The following GMPS variants were observed in gnomAD, a reference collection of about 807,000 sequenced individuals.
The protein encoded by GMPS is GMP synthase [glutamine-hydrolyzing].
GMPS carries 15 observed loss-of-function variants against 77.9 expected under a neutral mutation model. That is an observed-to-expected ratio of 0.19 (90% confidence interval 0.13 to 0.30). The LOEUF (loss-of-function observed/expected upper bound fraction) is 0.30. Ranked by LOEUF, GMPS falls within the 10% of genes least tolerant of loss-of-function variation. The probability of loss-of-function intolerance (pLI) is 1.00; values close to 1 mark genes in which losing one functional copy is unlikely to be tolerated. For synonymous variants in GMPS, 224 were observed against 275.9 expected (o/e 0.81, Z 1.86); for missense variants, 590 against 838.8 (o/e 0.70, Z 3.66).
At chr3:155,886,513 G>A (rs544217192) in intron 1 of GMPS, among the ~76,000 whole-genome samples, 1 of 143,828 alleles carries the variant, frequency 7.0e-6, no homozygotes, top group East Asian at 2.2e-4. Flanking sequence ...AGGTTGCAGT[G>A]AGCTGAGATC....
intron 10 of GMPS, among the ~76,000 whole-genome samples, chr3:155,920,086 C>G (rs1471902135): frequency 6.6e-6 from 1 of 152,124 alleles, no homozygotes; most frequent in Non-Finnish European, 1.5e-5. Context: ...ATTTTATTGT[C>G]TTATTTAATC....
intron 2 of GMPS, among the ~76,000 whole-genome samples, chr3:155,897,091 G>A (rs1754622492): frequency 6.6e-6 from 1 of 152,122 alleles, no homozygotes; most frequent in African/African-American, 2.4e-5. Context: ...AGTTATGCAG[G>A]AGTGAAGGCC....
In GMPS at chr3:155,940,626, T is replaced by C. The variant is rs748466628; in HGVS notation, c.*2934T>C. The C allele has an allele frequency of 3.2e-5, 7 of 219,858 alleles. No individual in the cohort carries two copies. Among genetic ancestry groups the C allele is most frequent in the African/African-American group, 1.6e-4 (7 of 44,604 alleles). The allele number at this position is 219,858 out of a possible 1,614,324, so 13.6% of individuals were successfully genotyped here. A position where few individuals can be genotyped will look rare whatever the true frequency, so the allele number is the denominator to read the frequency against. On this transcript the variant is annotated 3_prime_UTR_variant, in exon 16 of 16. Transcript: ENST00000496455. The stretch of plus-strand genomic sequence containing the variant: ...ACTTGGTCAAGTCATTTCTGTTCTT[T>C]ATCTGTGACATGAGGTAACTGTATT...
chr3:155,942,347 C>CA lies in GMPS; in HGVS notation c.*4656dup, dbSNP rs573487225. On this transcript the variant is annotated 3_prime_UTR_variant, in exon 16 of 16. Transcript: ENST00000496455. ...TCATGATCCGCCCGCCTCGGCCTCT[C>CA]AGAGTGCTGGGATTACAGGCGTGAG... is the stretch of plus-strand genomic sequence containing the variant. The CA allele has an allele frequency of 5.0e-6, 1 of 199,506 alleles. No individual in the cohort carries two copies. The highest frequency in any genetic ancestry group is 1.9e-4 in the South Asian group (1 of 5,244). The allele number at this position is 199,506 out of a possible 1,614,324, so 12.4% of individuals were successfully genotyped here.
At chr3:155,887,186 C>G (rs573883430) in intron 1 of GMPS, among the ~76,000 whole-genome samples, 1 of 152,154 alleles carries the variant, frequency 6.6e-6, no homozygotes, top group Non-Finnish European at 1.5e-5. Context: ...AGGCCAGGTT[C>G]TTATAGGTCT....
In GMPS at chr3:155,937,669, C is replaced by T; in HGVS notation, c.2059C>T (p.Pro687Ser). The T allele has an allele frequency of 7.3e-7, 1 of 1,369,476 alleles. No homozygotes were observed. Among genetic ancestry groups the T allele is most frequent in the Non-Finnish European group, 1.0e-6 (1 of 957,336 alleles). 84.8% of individuals were successfully genotyped at this position (1,369,476 alleles called of 1,614,324 possible). ...TATGTATGACTTAACATCAAAGCCC[C>T]CAGGAACTACTGAGTGGGAGTAATA... ...RIMYDLTSKP[P>S]GTTEWE The change falls in exon 16 of 16, where the codon CCA becomes TCA. Residue 687 changes from proline (P) to serine (S), a missense_variant. By Grantham distance (74) the Pro-to-Ser change is moderately conservative. Around this residue, in one of 6 missense-constraint regions of GMPS, gnomAD observed 73 missense variants for 170.5 expected, o/e 0.43. Transcript: ENST00000496455.
At chr3:155,890,058 C>G (rs7617878) in intron 1 of GMPS, among the ~76,000 whole-genome samples, 32,469 of 152,078 alleles carry the variant, frequency 0.21, 6,111 homozygotes, top group African/African-American at 0.51. Context: ...AAATAAATGC[C>G]AGGTTTTGAG....
chr3:155,876,926 A>C (rs967151963), intron 1 of GMPS, among the ~76,000 whole-genome samples: 1 of 152,242 alleles, frequency 6.6e-6, no homozygotes, highest in Non-Finnish European at 1.5e-5. Context: ...TAACACTTGC[A>C]AGGGATGTTT....
intron 13 of GMPS, among the ~76,000 whole-genome samples, chr3:155,932,277 AACAC>A (rs10548751): frequency 0.032 from 4,516 of 141,098 alleles, 108 homozygotes; most frequent in African/African-American, 0.061. Flanking sequence ...CAAATAAAGT[AACAC>A]ACACACACAC....
chr3:155,919,808 T>C (rs1276435876), intron 10 of GMPS, among the ~76,000 whole-genome samples: 1 of 152,224 alleles, frequency 6.6e-6, no homozygotes, highest in Non-Finnish European at 1.5e-5. Flanking sequence ...CCTGGCACAA[T>C]GTAACTAATT....
At chr3:155,910,059 A>G (rs1039426702) in intron 5 of GMPS, among the ~76,000 whole-genome samples, 1 of 151,396 alleles carries the variant, frequency 6.6e-6, no homozygotes, top group African/African-American at 2.4e-5. Flanking sequence ...CCTGGCCAAT[A>G]TGGTGAAACC....
chr3:155,911,054 A>T, intron 6 of GMPS, 60 bp from the exon 7 acceptor site: 3 of 1,362,172 alleles, frequency 2.2e-6, no homozygotes, highest in Non-Finnish European at 3.1e-6. Context: ...ATTTAAGCCA[A>T]TAGTGTTTAT....
At chr3:155,920,577 A>AAAAAAAAAAAAAAG (rs1755293478) in intron 10 of GMPS, among the ~76,000 whole-genome samples, 3 of 150,354 alleles carry the variant, frequency 2.0e-5, no homozygotes, top group African/African-American at 7.3e-5. Context: ...TCCATCTTAA[A>AAAAAAAAAAAAAAG]AAAAAAAAAA....
chr3:155,870,605 G>A (rs755960338), upstream of GMPS: 4 of 444,096 alleles, frequency 9.0e-6, no homozygotes, highest in Non-Finnish European at 1.6e-5. Flanking sequence ...AACGGGCTCT[G>A]GCTCCTCCCA....
In GMPS at chr3:155,919,241, A is replaced by G. The variant is rs1347371301; in HGVS notation, c.1221A>G (p.Val407=). The part of the protein sequence containing the change: ...LIRKLREEGK[V]IEPLKDFHKD... ...TTCTTTCCTCCCTGTAGGGAAAAGT[A>G]ATAGAACCTCTGAAAGATTTTCATA... Residue 407 remains valine (V), a synonymous_variant, in exon 10 of 16, where the codon GTA becomes GTG. Transcript: ENST00000496455. 6 of 1,535,708 alleles carry G rather than the reference A, an allele frequency of 3.9e-6. No individual in the cohort carries two copies. In the South Asian group the frequency reaches 4.7e-5, roughly 12 times the overall value.
At chr3:155,903,457 C>T (rs1754781107) in intron 3 of GMPS, among the ~76,000 whole-genome samples, 1 of 152,182 alleles carries the variant, frequency 6.6e-6, no homozygotes, top group South Asian at 2.1e-4. Context: ...TTGTCTAATT[C>T]TTGTTCTGGT....
At chr3:155,898,799 A>G (rs1024729344) in intron 3 of GMPS, among the ~76,000 whole-genome samples, 1 of 152,358 alleles carries the variant, frequency 6.6e-6, no homozygotes, top group Middle Eastern at 3.4e-3. Context: ...TTCTCAGAGC[A>G]TCTTATCAGG....
chr3:155,926,070 G>A (rs1275627968), intron 12 of GMPS, among the ~76,000 whole-genome samples: 2 of 152,202 alleles, frequency 1.3e-5, no homozygotes. Context: ...GGAGTGCAGT[G>A]ATGTGATCAT....
At position 155,941,075 on chromosome 3, in the gene GMPS, A is replaced by G; in HGVS notation, c.*3383A>G. 5.3e-6 allele frequency: 1 copy of G among 189,476 alleles called. No individual in the cohort carries two copies. The highest frequency in any genetic ancestry group is 8.3e-5 in the East Asian group (1 of 11,994). The allele number at this position is 189,476 out of a possible 1,614,324, so 11.7% of individuals were successfully genotyped here. A position where few individuals can be genotyped will look rare whatever the true frequency, so the allele number is the denominator to read the frequency against. ...AGCTTTCTGATTCTCTGCATGGAAG[A>G]GGAAATGCTCTAGGGCCCTTCAGGG... On this transcript the variant is annotated 3_prime_UTR_variant, in exon 16 of 16. Transcript: ENST00000496455.
Sources: gnomAD v4.1 joint callset for allele counts (sites outside exome capture counted in the v4.1 genomes callset) on GRCh38, gnomAD v4.1.1 for gene constraint, gnomAD v4.1.1 regional missense constraint, MANE v1.5 for transcripts, NCBI Gene and HGNC (gene_info 2026-07-23, HGNC 2026-07-21) for gene names.